CHD7: variants seen among roughly 807,000 people sequenced by gnomAD.
CHD7 encodes the protein ATP-dependent chromatin remodeler CHD7.
CHD7 carries 24 observed loss-of-function variants against 307.3 expected under a neutral mutation model. The ratio of observed to expected loss-of-function variants is 0.08; its 90% CI spans 0.06 to 0.11. The LOEUF is 0.11. Ranked by LOEUF, CHD7 falls within the 10% of genes least tolerant of loss-of-function variation. CHD7 has a pLI of 1.00. For synonymous variants in CHD7, 1,363 were observed against 1,349.9 expected (o/e 1.01, Z -0.21); for missense variants, 3,106 against 3,727.1 (o/e 0.83, Z 4.34).
intron 3 of CHD7, among the ~76,000 whole-genome samples, chr8:60,789,583 G>C (rs1262311293): frequency 1.3e-5 from 2 of 152,120 alleles, no homozygotes; most frequent in African/African-American, 4.8e-5. Context: ...TCTTTTTCAA[G>C]TTTTCTTTCT....
intron 2 of CHD7, among the ~76,000 whole-genome samples, chr8:60,763,463 G>A (rs1810319232): frequency 1.3e-5 from 2 of 152,072 alleles, no homozygotes; most frequent in African/African-American, 4.8e-5. Context: ...GTGTGGGTGG[G>A]GAGCGGTCAG....
intron 2 of CHD7, among the ~76,000 whole-genome samples, chr8:60,753,242 C>T (rs1375838412): frequency 1.3e-5 from 2 of 152,048 alleles, no homozygotes; most frequent in African/African-American, 4.8e-5. Context: ...TATATTTATC[C>T]AGACAGTGGA....
intron 3 of CHD7, among the ~76,000 whole-genome samples, chr8:60,786,370 A>G (rs558700813): frequency 2.0e-5 from 3 of 152,336 alleles, no homozygotes; most frequent in South Asian, 2.1e-4. Context: ...AGATTGCCTA[A>G]TAATACTGAC....
At chr8:60,811,696 C>T (rs566389294) in intron 7 of CHD7, among the ~76,000 whole-genome samples, 20 of 152,128 alleles carry the variant, frequency 1.3e-4, no homozygotes, top group South Asian at 8.3e-4. Context: ...GGTGAATTCC[C>T]GGAAGTGAGT....
At chr8:60,679,250 G>T (rs1174967675) in intron 1 of CHD7, among the ~76,000 whole-genome samples, 168 bp downstream of exon 1, 4 of 148,462 alleles carry the variant, frequency 2.7e-5, no homozygotes, top group Non-Finnish European at 4.5e-5. Flanking sequence ...CGGGGCCAGC[G>T]CAGGAGCGCA....
chr8:60,835,155 C>T (rs771959647), intron 15 of CHD7, among the ~76,000 whole-genome samples: 3 of 152,278 alleles, frequency 2.0e-5, no homozygotes, highest in South Asian at 2.1e-4. Context: ...GAGGTCAGAC[C>T]AATGCTGCGT....
At chr8:60,703,713 G>A (rs572809677) in intron 1 of CHD7, among the ~76,000 whole-genome samples, 1 of 152,206 alleles carries the variant, frequency 6.6e-6, no homozygotes, top group Non-Finnish European at 1.5e-5. Context: ...CTGGGATCAT[G>A]TTGGCAGCTG....
At chr8:60,826,412 G>T (rs1237828665) in intron 13 of CHD7, among the ~76,000 whole-genome samples, 1 of 152,304 alleles carries the variant, frequency 6.6e-6, no homozygotes, top group Non-Finnish European at 1.5e-5. Flanking sequence ...TCGTTGTCTG[G>T]TCTTTAAATC....
At chr8:60,777,725 T>C (rs1207264953) in intron 2 of CHD7, among the ~76,000 whole-genome samples, 1 of 152,228 alleles carries the variant, frequency 6.6e-6, no homozygotes, top group African/African-American at 2.4e-5. Context: ...CTGTAGCTTA[T>C]GGTAATGTTT....
rs188530102 is a variant in CHD7, at chr8:60,861,404, T to A, written c.7830+279T>A. 3 of 341,638 alleles carry A rather than the reference T, an allele frequency of 8.8e-6. No homozygotes were observed. In the East Asian group the frequency reaches 1.6e-4, roughly 18 times the overall value. 21.2% of individuals were successfully genotyped at this position (341,638 alleles called of 1,614,324 possible). On this transcript the variant is annotated intron_variant, in intron 35 of 37. Transcript: ENST00000423902. Reference sequence around the variant, plus strand: ...ATCAAACTCATGTGACTTCTTCAGTTATTCTTTCCATGGCATCGTTTCCAG... The same window carrying A: ...ATCAAACTCATGTGACTTCTTCAGTAATTCTTTCCATGGCATCGTTTCCAG...
chr8:60,824,157 G>A, intron 13 of CHD7, 141 bp downstream of exon 13: 2 of 755,462 alleles, frequency 2.6e-6, no homozygotes, highest in Non-Finnish European at 4.2e-6. Context: ...GGCACTTTCA[G>A]TTATTCAAAA....
At chr8:60,701,219 T>C (rs1427870436) in intron 1 of CHD7, among the ~76,000 whole-genome samples, 1 of 152,248 alleles carries the variant, frequency 6.6e-6, no homozygotes, top group African/African-American at 2.4e-5. Flanking sequence ...GTGTAAAATG[T>C]TCACAGGTTA....
chr8:60,792,731 T>C (rs918533632), intron 3 of CHD7, among the ~76,000 whole-genome samples: 2 of 152,158 alleles, frequency 1.3e-5, no homozygotes, highest in South Asian at 2.1e-4. Context: ...TTTACTCCTG[T>C]AGGACCACGC....
intron 3 of CHD7, among the ~76,000 whole-genome samples, chr8:60,793,148 C>A (rs947807475): frequency 6.6e-6 from 1 of 151,912 alleles, no homozygotes; most frequent in Non-Finnish European, 1.5e-5. Context: ...GCAGTTAGAG[C>A]GGAAATAAAT....
chr8:60,783,006 C>G (rs1230750577), intron 3 of CHD7, among the ~76,000 whole-genome samples: 11 of 151,988 alleles, frequency 7.2e-5, no homozygotes. Context: ...AGTCTGTGTT[C>G]TAAAGAAGCT....
chr8:60,805,721 A>C (rs1049862601), intron 6 of CHD7, among the ~76,000 whole-genome samples: 1 of 152,208 alleles, frequency 6.6e-6, no homozygotes, highest in Non-Finnish European at 1.5e-5. Flanking sequence ...GAATGAGAAG[A>C]AAAGGGACAG....
At chr8:60,738,467 G>T (rs562833759) in intron 1 of CHD7, among the ~76,000 whole-genome samples, 46 of 152,294 alleles carry the variant, frequency 3.0e-4, no homozygotes, top group African/African-American at 1.1e-3. Context: ...TCTAGATATT[G>T]AGTGTAGACG....
At chr8:60,822,414 G>A in intron 11 of CHD7, 89 bp from the exon 12 acceptor site, 1 of 1,264,106 alleles carries the variant, frequency 7.9e-7, no homozygotes, top group South Asian at 1.6e-5. Flanking sequence ...GTATGCATTT[G>A]TGGGTACAAT....
chr8:60,834,784 A>G (rs1804669027), intron 15 of CHD7, among the ~76,000 whole-genome samples: 2 of 152,220 alleles, frequency 1.3e-5, no homozygotes, highest in Non-Finnish European at 2.9e-5. Flanking sequence ...GCATTTGACC[A>G]TGTCATAAGG....
Sources: gnomAD v4.1 joint callset for allele counts (sites outside exome capture counted in the v4.1 genomes callset) on GRCh38, gnomAD v4.1.1 for gene constraint, MANE v1.5 for transcripts, NCBI Gene and HGNC (gene_info 2026-07-23, HGNC 2026-07-21) for gene names.